UVRAG: variants seen among roughly 807,000 people sequenced by gnomAD.
The protein encoded by UVRAG is UV radiation resistance-associated gene protein.
UVRAG carries 19 observed loss-of-function variants against 78.0 expected under a neutral mutation model. The observed-to-expected ratio is 0.24, with a 90% CI of 0.17 to 0.36. The LOEUF (loss-of-function observed/expected upper bound fraction) is 0.36. UVRAG is among the 10% of genes least tolerant of loss of function. The pLI is 1.00. For synonymous variants in UVRAG, 323 were observed against 324.6 expected (o/e 1.00, Z 0.05); for missense variants, 740 against 853.8 (o/e 0.87, Z 1.66).
intron 14 of UVRAG, chr11:76,137,320 G>T (rs2134511204): frequency 2.2e-6 from 1 of 455,584 alleles, no homozygotes; most frequent in Non-Finnish European, 4.4e-6. Context: ...CTTACCTCCA[G>T]ACCTGCGTCC....
At chr11:76,093,156 T>A (rs1335678160) in intron 13 of UVRAG, among the ~76,000 whole-genome samples, 1 of 152,208 alleles carries the variant, frequency 6.6e-6, no homozygotes, top group African/African-American at 2.4e-5. Flanking sequence ...AGATGTGTGG[T>A]ATTATTTCTG....
intron 3 of UVRAG, among the ~76,000 whole-genome samples, chr11:75,876,652 T>C (rs1590961793): frequency 6.6e-6 from 1 of 150,818 alleles, no homozygotes; most frequent in African/African-American, 2.4e-5. Context: ...ATGTTATTTG[T>C]GGTAGTATTT....
intron 3 of UVRAG, among the ~76,000 whole-genome samples, chr11:75,869,968 C>T (rs1241866884): frequency 6.6e-6 from 1 of 152,112 alleles, no homozygotes; most frequent in East Asian, 1.9e-4. Flanking sequence ...TATAAATATC[C>T]TGATATTCTA....
intron 6 of UVRAG, among the ~76,000 whole-genome samples, chr11:75,920,534 T>C (rs1003463848): frequency 2.0e-5 from 3 of 151,320 alleles, no homozygotes; most frequent in Non-Finnish European, 4.4e-5. Context: ...TAGGGTGAAG[T>C]CTTCTCCTTC....
At chr11:75,874,280 C>A (rs1946715631) in intron 3 of UVRAG, among the ~76,000 whole-genome samples, 1 of 149,996 alleles carries the variant, frequency 6.7e-6, no homozygotes, top group Non-Finnish European at 1.5e-5. Context: ...AAAAAAAAAA[C>A]AACAACACAC....
intron 7 of UVRAG, among the ~76,000 whole-genome samples, chr11:75,982,869 G>A (rs115127705): frequency 2.6e-5 from 4 of 152,148 alleles, no homozygotes; most frequent in South Asian, 4.1e-4. Flanking sequence ...AATAATATTT[G>A]ATTGTATGGA....
intron 14 of UVRAG, among the ~76,000 whole-genome samples, chr11:76,122,473 A>ATT (rs1343708040): frequency 6.6e-6 from 1 of 152,244 alleles, no homozygotes; most frequent in Non-Finnish European, 1.5e-5. Flanking sequence ...CGTACTTAAT[A>ATT]GTGTGGTCAG....
chr11:75,929,684 A>G (rs375474934), intron 6 of UVRAG, among the ~76,000 whole-genome samples: 3 of 152,260 alleles, frequency 2.0e-5, no homozygotes, highest in East Asian at 1.9e-4. Context: ...GTATCCCTCC[A>G]TAGATTTGTG....
At chr11:75,843,624 T>G (rs1056994102) in intron 1 of UVRAG, among the ~76,000 whole-genome samples, 3 of 152,296 alleles carry the variant, frequency 2.0e-5, no homozygotes, top group South Asian at 2.1e-4. Context: ...TGACAGGATC[T>G]CTAGCCCTAT....
rs769390519 is a variant in UVRAG at position 75,871,282 on chromosome 11, C to CTTT, written c.271-8578_271-8576dup. ...TATGAACTTTTACATGGCATATGCC[C>CTTT]TTTTTTTTTTTTTTTTTTTTTGAGG... On this transcript the variant is annotated intron_variant, in intron 3 of 14. Coordinates refer to ENST00000356136, the MANE Select transcript of UVRAG (RefSeq NM_003369.4). Among the ~76,000 whole-genome samples, 31 of 124,394 alleles carry CTTT rather than the reference C, an allele frequency of 2.5e-4. 1 individual carries two copies. Among genetic ancestry groups the CTTT allele is most frequent in the Admixed American group, 3.3e-4 (4 of 12,268 alleles). 81.6% of individuals were successfully genotyped at this position (124,394 alleles called of 152,430 possible).
chr11:76,128,200 C>T (rs888275048), intron 14 of UVRAG, among the ~76,000 whole-genome samples: 1 of 152,154 alleles, frequency 6.6e-6, no homozygotes, highest in Non-Finnish European at 1.5e-5. Context: ...CCCTGAGCTC[C>T]GCCTCCTGTC....
intron 1 of UVRAG, among the ~76,000 whole-genome samples, chr11:75,842,285 A>G (rs1391854999): frequency 6.6e-6 from 1 of 152,132 alleles, no homozygotes; most frequent in Non-Finnish European, 1.5e-5. Context: ...GATGGGATGT[A>G]TTGGGGCAAC....
chr11:76,068,938 C>T (rs1374833167), intron 13 of UVRAG, among the ~76,000 whole-genome samples: 1 of 152,146 alleles, frequency 6.6e-6, no homozygotes, highest in Admixed American at 6.5e-5. Flanking sequence ...ATGGCCTCAC[C>T]TCAGTAATTT....
intron 12 of UVRAG, among the ~76,000 whole-genome samples, chr11:76,023,700 T>TG (rs1385895278): frequency 1.3e-5 from 2 of 151,926 alleles, no homozygotes; most frequent in East Asian, 3.9e-4. Flanking sequence ...GAGAGGAGGG[T>TG]GGGGCCAAGG....
intron 6 of UVRAG, among the ~76,000 whole-genome samples, chr11:75,920,905 T>C (rs908767090): frequency 6.6e-6 from 1 of 152,268 alleles, no homozygotes; most frequent in African/African-American, 2.4e-5. Flanking sequence ...AATGGCTTAA[T>C]AATAGTCAGT....
chr11:75,981,344 C>G (rs142334338), intron 7 of UVRAG, among the ~76,000 whole-genome samples: 6,717 of 152,032 alleles, frequency 0.044, 226 homozygotes, highest in Middle Eastern at 0.065. Context: ...ACTCCTGGCC[C>G]CAAGTGATCT....
chr11:75,996,197 A>T (rs1182470785), intron 8 of UVRAG, among the ~76,000 whole-genome samples: 1 of 152,026 alleles, frequency 6.6e-6, no homozygotes, highest in Non-Finnish European at 1.5e-5. Context: ...TTGGTTTGTC[A>T]TAATTTTTTC....
At chr11:75,826,830 A>G (rs557143148) in intron 1 of UVRAG, among the ~76,000 whole-genome samples, 1 of 151,292 alleles carries the variant, frequency 6.6e-6, no homozygotes, top group East Asian at 1.9e-4. Flanking sequence ...TGTAGACCCT[A>G]TGTGGTAGTA....
chr11:75,878,146 G>C (rs1946848846), intron 3 of UVRAG, among the ~76,000 whole-genome samples: 1 of 151,214 alleles, frequency 6.6e-6, no homozygotes, highest in African/African-American at 2.4e-5. Context: ...TTCTCAGATG[G>C]GGCGGCTGGG....
Sources: allele counts gnomAD v4.1 joint callset (sites outside exome capture counted in the v4.1 genomes callset), GRCh38; gene constraint gnomAD v4.1.1; transcripts MANE v1.5; gene names NCBI Gene and HGNC (gene_info 2026-07-23, HGNC 2026-07-21).